Variants in ACSF2 observed in about 807,000 individuals in gnomAD.
ACSF2 encodes the protein acyl-CoA synthetase family member 2, also known as medium-chain acyl-CoA ligase ACSF2, mitochondrial.
In ACSF2, 52 loss-of-function variants were observed where a neutral mutation model predicts 79.3. The observed-to-expected ratio is 0.66, with a 90% CI of 0.53 to 0.83. The LOEUF is 0.83. Among genes scored for constraint, ACSF2 ranks in the 40% least tolerant of loss-of-function variants. The pLI is 0.00. For missense variants in ACSF2, 661 were observed against 803.3 expected, an observed-to-expected ratio of 0.82 and a Z score of 2.14; for synonymous variants, 283 against 312.6, an observed-to-expected ratio of 0.91 and a Z score of 1.00.
chr17:50,468,946 C>G lies in ACSF2; in HGVS notation c.1216-2082C>G, dbSNP rs1567862767. On this transcript the variant is annotated intron_variant, in intron 10 of 15. Transcript: ENST00000300441. ...ACCGCAGCCGGCAGCCGAGCCAGCTCCTACGTGGAGCATCGAGGCCACTGG... is the reference window on the plus strand; with the variant it reads ...ACCGCAGCCGGCAGCCGAGCCAGCTGCTACGTGGAGCATCGAGGCCACTGG... 3 of 1,405,248 alleles carry G rather than the reference C, an allele frequency of 2.1e-6. No individual in the cohort carries two copies. The East Asian group carries it at 8.2e-5, about 38-fold the overall frequency. 87.0% of individuals were successfully genotyped at this position (1,405,248 alleles called of 1,614,324 possible).
rs989712381 is a variant in ACSF2 at position 50,471,775 on chromosome 17, C to A, written c.1323+640C>A. On this transcript the variant is annotated intron_variant, in intron 11 of 15. Transcript: ENST00000300441. The surrounding 1 kb of genome is among the most constrained non-coding windows in gnomAD (Gnocchi z 4.1). ...CCCCTGGGGCTGACCGCTGTCCTGG[C>A]GTGAATCTGCCCTGCCCTCCCGCCA... The A allele has an allele frequency of 7.0e-5, 11 of 156,730 alleles. No homozygotes were observed. The highest frequency in any genetic ancestry group is 1.4e-4 in the Non-Finnish European group (10 of 70,962). The allele number at this position is 156,730 out of a possible 1,614,324, so 9.7% of individuals were successfully genotyped here.
chr17:50,453,188 A>C (rs1415677843), intron 1 of ACSF2, among the ~76,000 whole-genome samples: 1 of 152,102 alleles, frequency 6.6e-6, no homozygotes, highest in Non-Finnish European at 1.5e-5. Flanking sequence ...GGAGTTCATG[A>C]TACTCACCTG....
At chr17:50,438,743 T>G (rs1404508632) in intron 1 of ACSF2, among the ~76,000 whole-genome samples, 1 of 151,854 alleles carries the variant, frequency 6.6e-6, no homozygotes, top group Admixed American at 6.6e-5. Flanking sequence ...ATTTTTGGAT[T>G]TTTAGTAGAC....
chr17:50,460,595 CT>C (rs1331299931), intron 1 of ACSF2, 81 bp from the exon 2 acceptor site: 1 of 1,316,772 alleles, frequency 7.6e-7, no homozygotes, highest in East Asian at 2.5e-5. Context: ...AGCCTACCCC[CT>C]GGCTTGGCTG....
At position 50,473,910 on chromosome 17, in the gene ACSF2, A is replaced by G; in HGVS notation, c.1634A>G (p.Asp545Gly). ...VQEVQVVGVK[D>G]DRMGEEICAC... ...CCCTGGAAGGTGGTGGGAGTGAAGG[A>G]CGATCGGATGGGGGAAGAGATTTGT... is the stretch of plus-strand genomic sequence containing the variant. Residue 545 changes from aspartate to glycine, a missense_variant, in exon 14 of 16, where the codon GAC (aspartate) becomes GGC (glycine). Physicochemically the swap from Asp to Gly is moderately conservative, Grantham distance 94. Coordinates refer to ENST00000300441, the MANE Select transcript of ACSF2 (RefSeq NM_025149.6). 1 of 1,589,814 alleles carries G rather than the reference A, an allele frequency of 6.3e-7. No homozygotes were observed. The highest frequency in any genetic ancestry group is 8.6e-7 in the Non-Finnish European group (1 of 1,165,266).
rs2032490885 is a variant in ACSF2 at position 50,463,668 on chromosome 17, G to C, written c.1046+116G>C. 1.3e-6 allele frequency: 2 copies of C among 1,507,246 alleles called. No individual in the cohort carries two copies. The highest frequency in any genetic ancestry group is 1.8e-4 in the Middle Eastern group (1 of 5,494). 93.4% of individuals were successfully genotyped at this position (1,507,246 alleles called of 1,614,324 possible). ...CCTCCAGCCAGGAGACTGAGGATGGGGACAGTGGAGGACCCCCAGGAGAGG... is the reference window on the plus strand; with the variant it reads ...CCTCCAGCCAGGAGACTGAGGATGGCGACAGTGGAGGACCCCCAGGAGAGG... On this transcript the variant is annotated intron_variant, in intron 8 of 15. Coordinates refer to ENST00000300441, the MANE Select transcript of ACSF2 (RefSeq NM_025149.6). The surrounding 1 kb of genome is among the most constrained non-coding windows in gnomAD (Gnocchi z 4.6).
intron 1 of ACSF2, among the ~76,000 whole-genome samples, chr17:50,448,464 A>T (rs1156857804): frequency 1.3e-5 from 2 of 152,218 alleles, no homozygotes; most frequent in Non-Finnish European, 2.9e-5. Flanking sequence ...AGTACACTCC[A>T]TGTTCTTGTC....
At chr17:50,449,406 CTT>C (rs1016128212) in intron 1 of ACSF2, among the ~76,000 whole-genome samples, 2 of 136,842 alleles carry the variant, frequency 1.5e-5, no homozygotes, top group Non-Finnish European at 1.6e-5. Context: ...ACTTCATTTC[CTT>C]TTTTTTTTTT....
In ACSF2 at chr17:50,474,767, C is replaced by A; in HGVS notation, c.*215C>A. 1.7e-6 allele frequency: 1 copy of A among 573,138 alleles called. No homozygotes were observed. Among genetic ancestry groups the A allele is most frequent in the Non-Finnish European group, 3.1e-6 (1 of 323,732 alleles). 35.5% of individuals were successfully genotyped at this position (573,138 alleles called of 1,614,324 possible). On this transcript the variant is annotated 3_prime_UTR_variant, in exon 16 of 16. Transcript: ENST00000300441. The surrounding 1 kb of genome is among the most constrained non-coding windows in gnomAD (Gnocchi z 4.2). ...GGCAGGCAGCCTGCCCAGGCCCTCC[C>A]TCCTGTCCATCCCCCACATTCCCCT...
chr17:50,446,630 G>A (rs893316584), intron 1 of ACSF2, among the ~76,000 whole-genome samples: 2 of 152,152 alleles, frequency 1.3e-5, no homozygotes, highest in Non-Finnish European at 2.9e-5. Context: ...CACAGAACAT[G>A]ACCAGAAACC....
intron 1 of ACSF2, among the ~76,000 whole-genome samples, chr17:50,431,114 T>C (rs1462106858): frequency 1.3e-5 from 2 of 152,200 alleles, no homozygotes; most frequent in African/African-American, 4.8e-5. Flanking sequence ...GGTAACGATA[T>C]CCCTATGCAT....
At chr17:50,472,791 C>G (rs1473108232) in intron 12 of ACSF2, 8 of 469,682 alleles carry the variant, frequency 1.7e-5, no homozygotes, top group Non-Finnish European at 1.4e-5. Flanking sequence ...ACACCAGCAG[C>G]TGCAAAATCT....
At chr17:50,469,333 T>A (rs1297056792) in intron 10 of ACSF2, among the ~76,000 whole-genome samples, 3 of 152,220 alleles carry the variant, frequency 2.0e-5, no homozygotes, top group Non-Finnish European at 4.4e-5. Flanking sequence ...GACAGCTGGA[T>A]GCGTCTCCCT....
chr17:50,469,573 G>A (rs911831670), intron 10 of ACSF2, among the ~76,000 whole-genome samples: 2 of 152,196 alleles, frequency 1.3e-5, no homozygotes, highest in African/African-American at 4.8e-5. Context: ...TGAAGGCTAA[G>A]CAGAGAAGTG....
intron 10 of ACSF2, chr17:50,465,211 C>G (rs898454): frequency 0.54 from 838,571 of 1,541,152 alleles, 234,476 homozygotes; most frequent in African/African-American, 0.82. Context: ...CCCTCCAGGG[C>G]CAGGGGGTAT....
chr17:50,461,299 G>C lies in ACSF2; in HGVS notation c.382G>C (p.Gly128Arg). Residue 128 changes from glycine to arginine, a missense_variant, in exon 3 of 16, where the codon GGC becomes CGC. Coordinates refer to ENST00000300441, the MANE Select transcript of ACSF2 (RefSeq NM_025149.6). Reference protein sequence around the residue: ...SIGLCKGDRLGMWGPNSYAWV... With the variant: ...SIGLCKGDRLRMWGPNSYAWV... ...TGGCCTCTGCAAAGGTGACCGGCTG[G>C]GCATGTGGGGACCTAACTCCTATGC... is the stretch of plus-strand genomic sequence containing the variant. 6.2e-7 allele frequency: 1 copy of C among 1,614,204 alleles called. No individual in the cohort carries two copies.
intron 1 of ACSF2, among the ~76,000 whole-genome samples, chr17:50,433,490 T>C (rs560619466): frequency 6.6e-6 from 1 of 152,282 alleles, no homozygotes; most frequent in African/African-American, 2.4e-5. Flanking sequence ...AAAACTAATA[T>C]CTAGCCTTGT....
rs1035834291 is a variant in ACSF2 at position 50,461,355 on chromosome 17, G to A, written c.438G>A (p.Gln146=). 1 of 1,613,982 alleles carries A rather than the reference G, an allele frequency of 6.2e-7. No homozygotes were observed. The highest frequency in any genetic ancestry group is 8.5e-7 in the Non-Finnish European group (1 of 1,180,020). Residue 146 remains glutamine, a synonymous_variant, in exon 3 of 16, where the codon CAG becomes CAA. Transcript: ENST00000300441. ...AWVLMQLATA[Q]AGIILVSVNP... is the part of the protein sequence containing the mutation. Reference sequence around the variant, plus strand: ...TGCTCATGCAGTTGGCCACCGCCCAGGCGGGCATCATTCTGGTGAGGAGGG... The same window carrying A: ...TGCTCATGCAGTTGGCCACCGCCCAAGCGGGCATCATTCTGGTGAGGAGGG...
Position 50,471,806 on chromosome 17 carries a change from A to G in ACSF2, c.1324-622A>G, listed in dbSNP as rs4794150. The G allele has an allele frequency of 0.61, 94,741 of 155,814 alleles. 30,691 individuals carry two copies. The highest frequency in any genetic ancestry group is 0.82 in the African/African-American group (34,064 of 41,514). The allele number at this position is 155,814 out of a possible 1,614,324, so 9.7% of individuals were successfully genotyped here. On this transcript the variant is annotated intron_variant, in intron 11 of 15. Coordinates refer to ENST00000300441, the MANE Select transcript of ACSF2 (RefSeq NM_025149.6). This position sits in a 1 kb window ranked among gnomAD's most constrained non-coding sequence, Gnocchi z 4.1. ...TCTGCCCTGCCCTCCCGCCAGAGCA[A>G]CCATGTACCCAGGGATTGAGTAGGG...
Sources: allele counts gnomAD v4.1 joint callset (sites outside exome capture counted in the v4.1 genomes callset), GRCh38; gene constraint gnomAD v4.1.1; non-coding constraint Gnocchi (gnomAD v3.1); transcripts MANE v1.5; gene names NCBI Gene and HGNC (gene_info 2026-07-23, HGNC 2026-07-21).